The following HDAC4 variants were observed in gnomAD, a reference collection of about 807,000 sequenced individuals.
HDAC4 encodes histone deacetylase A.
Under a neutral mutation model 135.1 loss-of-function variants are expected in HDAC4, and 16 were observed. The ratio of observed to expected loss-of-function variants is 0.12; its 90% CI spans 0.08 to 0.18. HDAC4 has a LOEUF of 0.18. HDAC4 is among the 10% of genes least tolerant of loss of function. The pLI is 1.00. For synonymous variants in HDAC4, 685 were observed against 653.4 expected (o/e 1.05, Z -0.74); for missense variants, 1,143 against 1,511.8 (o/e 0.76, Z 4.05).
chr2:239,353,520 A>G (rs568664347), intron 1 of HDAC4, among the ~76,000 whole-genome samples: 3 of 152,308 alleles, frequency 2.0e-5, no homozygotes, highest in Non-Finnish European at 2.9e-5. Context: ...CATACACATT[A>G]TAAGATATTT....
intron 11 of HDAC4, among the ~76,000 whole-genome samples, chr2:239,132,383 T>C (rs2152874066): frequency 6.6e-6 from 1 of 152,240 alleles, no homozygotes; most frequent in East Asian, 1.9e-4. Flanking sequence ...GTTTGCAGGA[T>C]GAGCTGCTGG....
At chr2:239,160,691 G>A (rs1275995588) in intron 6 of HDAC4, among the ~76,000 whole-genome samples, 1 of 152,218 alleles carries the variant, frequency 6.6e-6, no homozygotes, top group Non-Finnish European at 1.5e-5. Context: ...CAGTTTGCAC[G>A]GTAGCGTGTG....
intron 6 of HDAC4, among the ~76,000 whole-genome samples, chr2:239,158,401 A>G (rs2042558880): frequency 6.6e-6 from 1 of 152,166 alleles, no homozygotes; most frequent in Non-Finnish European, 1.5e-5. Flanking sequence ...AATAAATGGA[A>G]TAAAAATTAT....
intron 19 of HDAC4, among the ~76,000 whole-genome samples, chr2:239,084,672 G>GAGACACAC: frequency 1.1e-5 from 1 of 92,820 alleles, no homozygotes; most frequent in South Asian, 3.7e-4. Flanking sequence ...ACACCACAGA[G>GAGACACAC]ACACACCCTC....
chr2:239,261,935 G>A lies in HDAC4; in HGVS notation c.23-25271C>T, dbSNP rs556891026. 2.0e-3 allele frequency among the ~76,000 whole-genome samples: 305 copies of A among 152,296 alleles called. 1 individual carries two copies. The highest frequency in any genetic ancestry group is 3.3e-3 in the Non-Finnish European group (223 of 68,018). ...GAAAAGCCTATGTCGGAGGGTCCTC[G>A]GGTTGCCTGGCGCCATGAAAGCACT... On this transcript the variant is annotated intron_variant, in intron 2 of 26. Coordinates refer to ENST00000543185, the MANE Select transcript of HDAC4 (RefSeq NM_001378414.1).
At chr2:239,149,655 G>A (rs140853770) in intron 7 of HDAC4, among the ~76,000 whole-genome samples, 27 of 152,268 alleles carry the variant, frequency 1.8e-4, no homozygotes, top group Non-Finnish European at 3.7e-4. Context: ...GGGCAGCCCC[G>A]CTGCCCAGCT....
At chr2:239,137,559 T>C (rs767705394) in intron 9 of HDAC4, among the ~76,000 whole-genome samples, 1 of 151,928 alleles carries the variant, frequency 6.6e-6, no homozygotes, top group Non-Finnish European at 1.5e-5. Flanking sequence ...CAAGGTACAG[T>C]AGTGTTTCTA....
At chr2:239,227,770 G>A (rs900049156) in intron 3 of HDAC4, among the ~76,000 whole-genome samples, 2 of 152,174 alleles carry the variant, frequency 1.3e-5, no homozygotes, top group African/African-American at 4.8e-5. Context: ...AAAGCCAGAA[G>A]GGCCCTCTGA....
At chr2:239,083,861 T>TC (rs2035595016) in intron 20 of HDAC4, among the ~76,000 whole-genome samples, 1 of 152,122 alleles carries the variant, frequency 6.6e-6, no homozygotes, top group South Asian at 2.1e-4. Flanking sequence ...CACAGCCTCC[T>TC]CCCCAACACC....
At chr2:239,119,272 G>C (rs1399488910) in intron 12 of HDAC4, among the ~76,000 whole-genome samples, 1 of 152,220 alleles carries the variant, frequency 6.6e-6, no homozygotes, top group Non-Finnish European at 1.5e-5. Context: ...TCCCTAAGAA[G>C]GTGGCACAGA....
intron 20 of HDAC4, 60 bp from the exon 21 acceptor site, chr2:239,082,281 T>C: frequency 1.2e-6 from 2 of 1,609,676 alleles, no homozygotes; most frequent in East Asian, 2.2e-5. Flanking sequence ...TGGCCTCCCC[T>C]GAGGGCCGTC....
At chr2:239,266,968 C>G (rs1227038121) in intron 2 of HDAC4, among the ~76,000 whole-genome samples, 1 of 152,160 alleles carries the variant, frequency 6.6e-6, no homozygotes, top group African/African-American at 2.4e-5. Context: ...GGCAGGGCTA[C>G]TGGTAATCTC....
At chr2:239,295,291 A>G (rs11903582) in intron 2 of HDAC4, among the ~76,000 whole-genome samples, 63,938 of 125,976 alleles carry the variant, frequency 0.51, 16,938 homozygotes, top group East Asian at 0.85. Flanking sequence ...TGGGTGACAG[A>G]GCAAGACTCC....
At chr2:239,118,071 G>A (rs767308917) in intron 12 of HDAC4, among the ~76,000 whole-genome samples, 4 of 152,116 alleles carry the variant, frequency 2.6e-5, no homozygotes, top group Non-Finnish European at 4.4e-5. Flanking sequence ...AGACGACACC[G>A]GTCCCCACGC....
intron 19 of HDAC4, 93 bp downstream of exon 19, chr2:239,087,466 G>T: frequency 7.9e-7 from 1 of 1,270,262 alleles, no homozygotes; most frequent in Non-Finnish European, 1.1e-6. Flanking sequence ...CAGCAGCCCA[G>T]CTCCCCGCAG....
intron 2 of HDAC4, among the ~76,000 whole-genome samples, chr2:239,283,438 T>C (rs1015274177): frequency 1.3e-5 from 2 of 152,262 alleles, no homozygotes; most frequent in Admixed American, 6.5e-5. Context: ...GCAGGATCAG[T>C]GCCGACGAGG....
chr2:239,173,957 AATT>A (rs1299268232), intron 5 of HDAC4, among the ~76,000 whole-genome samples: 1 of 152,214 alleles, frequency 6.6e-6, no homozygotes, highest in Non-Finnish European at 1.5e-5. Flanking sequence ...ACTATTAAGA[AATT>A]ATTAAGAAAA....
intron 12 of HDAC4, among the ~76,000 whole-genome samples, chr2:239,116,186 G>A (rs539508960): frequency 1.1e-4 from 17 of 152,262 alleles, no homozygotes; most frequent in Non-Finnish European, 2.5e-4. Context: ...CCCCATTCTG[G>A]ATTCCAAGTA....
chr2:239,176,993 G>A (rs1029937803), intron 4 of HDAC4, among the ~76,000 whole-genome samples: 1 of 152,018 alleles, frequency 6.6e-6, no homozygotes, highest in Non-Finnish European at 1.5e-5. Context: ...CTATTTATCC[G>A]AAACACGGAA....
Sources: allele counts gnomAD v4.1 joint callset (sites outside exome capture counted in the v4.1 genomes callset), GRCh38; gene constraint gnomAD v4.1.1; transcripts MANE v1.5; gene names NCBI Gene and HGNC (gene_info 2026-07-23, HGNC 2026-07-21).